The following ALK variants were observed in gnomAD, a reference collection of about 807,000 sequenced individuals.
ALK encodes the protein ALK receptor tyrosine kinase.
A neutral mutation model predicts 163.1 loss-of-function variants in ALK; 74 were observed. That is an observed-to-expected ratio of 0.45 (90% CI 0.38 to 0.55). The LOEUF (loss-of-function observed/expected upper bound fraction) is 0.55. Ranked by LOEUF, ALK falls within the 20% of genes least tolerant of loss-of-function variation. The pLI is 0.00. For missense variants in ALK, 2,063 were observed against 2,105.3 expected (o/e 0.98, Z 0.39); for synonymous variants, 960 against 843.2 (o/e 1.14, Z -2.40).
At chr2:29,388,024 G>C (rs1451360697) in intron 4 of ALK, among the ~76,000 whole-genome samples, 1 of 152,176 alleles carries the variant, frequency 6.6e-6, no homozygotes, top group Non-Finnish European at 1.5e-5. Context: ...TATCAGGATA[G>C]ACACACTGGC....
intron 5 of ALK, among the ~76,000 whole-genome samples, chr2:29,336,291 T>C (rs921666269): frequency 2.2e-4 from 33 of 152,198 alleles, no homozygotes; most frequent in African/African-American, 7.5e-4. Flanking sequence ...GTTGATTGGA[T>C]AGAGTTAGTG....
At chr2:29,631,426 G>A (rs1392624439) in intron 3 of ALK, among the ~76,000 whole-genome samples, 1 of 152,196 alleles carries the variant, frequency 6.6e-6, no homozygotes, top group Non-Finnish European at 1.5e-5. Context: ...AATATTTGTG[G>A]AACAGTGAGC....
intron 3 of ALK, among the ~76,000 whole-genome samples, chr2:29,663,476 A>T (rs896297277): frequency 2.6e-5 from 4 of 152,014 alleles, no homozygotes; most frequent in Admixed American, 2.0e-4. Flanking sequence ...TCTTTCACCA[A>T]CTTTTACCCA....
At chr2:29,388,128 C>T (rs1669076080) in intron 4 of ALK, among the ~76,000 whole-genome samples, 1 of 152,176 alleles carries the variant, frequency 6.6e-6, no homozygotes. Flanking sequence ...TCCCACAGCT[C>T]CCTACCAGCT....
At chr2:29,893,582 T>C (rs2148426329) in intron 1 of ALK, among the ~76,000 whole-genome samples, 1 of 152,272 alleles carries the variant, frequency 6.6e-6, no homozygotes, top group African/African-American at 2.4e-5. Context: ...TGTTCCAGGA[T>C]TCTTTCTCAG....
At chr2:29,576,858 C>A (rs1379846681) in intron 3 of ALK, among the ~76,000 whole-genome samples, 1 of 151,742 alleles carries the variant, frequency 6.6e-6, no homozygotes, top group South Asian at 2.1e-4. Context: ...TCACTGTCTC[C>A]CACCACCCCC....
At chr2:29,524,356 G>A (rs1672898219) in intron 4 of ALK, among the ~76,000 whole-genome samples, 1 of 152,220 alleles carries the variant, frequency 6.6e-6, no homozygotes, top group Non-Finnish European at 1.5e-5. Context: ...GACTGGATAA[G>A]AACAGCTCTT....
At chr2:29,639,852 C>A (rs1049195715) in intron 3 of ALK, among the ~76,000 whole-genome samples, 4 of 152,164 alleles carry the variant, frequency 2.6e-5, no homozygotes, top group African/African-American at 9.7e-5. Flanking sequence ...GCATCTTCGA[C>A]AACATCCTAT....
chr2:29,300,683 G>A (rs374655102), intron 8 of ALK, among the ~76,000 whole-genome samples: 7 of 152,194 alleles, frequency 4.6e-5, no homozygotes, highest in African/African-American at 1.7e-4. Flanking sequence ...GAAACAGTAA[G>A]CCTTGGACAT....
chr2:29,348,632 G>A (rs1668022671), intron 5 of ALK, among the ~76,000 whole-genome samples: 1 of 152,200 alleles, frequency 6.6e-6, no homozygotes, highest in Non-Finnish European at 1.5e-5. Flanking sequence ...CAGCTCGTAT[G>A]GTAAGCATCA....
chr2:29,780,629 C>T lies in ALK; in HGVS notation c.668-62932G>A, dbSNP rs1308241201. On this transcript the variant is annotated intron_variant, in intron 1 of 28. Transcript: ENST00000389048. Reference sequence around the variant, plus strand: ...GAATCCAGGTTGGGAGAGCTAAGCCCTGAACACCTTAGGGATATCTGAGCA... The same window carrying T: ...GAATCCAGGTTGGGAGAGCTAAGCCTTGAACACCTTAGGGATATCTGAGCA... Among the ~76,000 whole-genome samples, 5 of 152,312 alleles carry T rather than the reference C, an allele frequency of 3.3e-5. No homozygotes were observed. In the East Asian group the frequency reaches 9.7e-4, roughly 29 times the overall value.
At position 29,831,102 on chromosome 2, in the gene ALK, GAGGAGGAGA is replaced by G. The variant is rs1300693952; in HGVS notation, c.667+88882_667+88890del. Among the ~76,000 whole-genome samples, 79 of 29,296 alleles carry G rather than the reference GAGGAGGAGA, an allele frequency of 2.7e-3. 5 individuals carry two copies. Among genetic ancestry groups the G allele is most frequent in the African/African-American group, 7.0e-3 (50 of 7,178 alleles). 19.2% of individuals were successfully genotyped at this position (29,296 alleles called of 152,430 possible). A position where few individuals can be genotyped will look rare whatever the true frequency, so the allele number is the denominator to read the frequency against. On this transcript the variant is annotated intron_variant, in intron 1 of 28. Transcript: ENST00000389048. ...GGAGGAGGAGGAGGAGGAGGAGGAG[GAGGAGGAGA>G]AGAAGAAGAAGAAGGGGAAGAAGGG...
chr2:29,625,692 C>T (rs1239908129), intron 3 of ALK, among the ~76,000 whole-genome samples: 1 of 152,248 alleles, frequency 6.6e-6, no homozygotes, highest in African/African-American at 2.4e-5. Context: ...AGGTGTTTGG[C>T]TGCAAATACG....
At chr2:29,216,651 A>G (rs1486337501) in intron 23 of ALK, among the ~76,000 whole-genome samples, 1 of 142,764 alleles carries the variant, frequency 7.0e-6, no homozygotes, top group Non-Finnish European at 1.5e-5. Context: ...ATATGTGCGT[A>G]TGGTGTGTGT....
At chr2:29,467,717 T>C (rs1222065522) in intron 4 of ALK, among the ~76,000 whole-genome samples, 1 of 152,160 alleles carries the variant, frequency 6.6e-6, no homozygotes, top group Admixed American at 6.5e-5. Flanking sequence ...TAAAATATCA[T>C]TTTTCTTTTC....
chr2:29,600,837 C>T (rs944317759), intron 3 of ALK, among the ~76,000 whole-genome samples: 5 of 152,054 alleles, frequency 3.3e-5, no homozygotes, highest in Non-Finnish European at 7.4e-5. Context: ...GGAACCCAGG[C>T]CGTATTTCTG....
chr2:29,814,976 A>AAATGAATGAATG (rs34886147), intron 1 of ALK, among the ~76,000 whole-genome samples: 1 of 142,122 alleles, frequency 7.0e-6, no homozygotes, highest in African/African-American at 2.7e-5. Context: ...ATTTAATCTG[A>AAATGAATGAATG]AATGAATGAA....
intron 1 of ALK, among the ~76,000 whole-genome samples, chr2:29,840,733 G>T (rs1339364724): frequency 6.6e-6 from 1 of 152,124 alleles, no homozygotes; most frequent in Non-Finnish European, 1.5e-5. Flanking sequence ...TTAAGTTATT[G>T]CATCTATTAA....
In ALK at chr2:29,695,006, A is replaced by G; in HGVS notation, c.796T>C (p.Cys266Arg). Residue 266 changes from cysteine to arginine, a missense_variant, in exon 3 of 29, where the codon TGC (cysteine) becomes CGC (arginine). Physicochemically the swap from Cys to Arg is radical, Grantham distance 180. Transcript: ENST00000389048. ...LSHRSRYGLECSFDFPCELEY... is the reference protein window; with the variant it reads ...LSHRSRYGLERSFDFPCELEY... ...AGCTCACAGGGGAAGTCAAAGCTGC[A>G]CTCCAGACCTGCAATAATAGCCAAG... 1 of 1,613,906 alleles carries G rather than the reference A, an allele frequency of 6.2e-7. No individual in the cohort carries two copies. The highest frequency in any genetic ancestry group is 1.1e-5 in the South Asian group (1 of 91,074).
Sources: allele counts gnomAD v4.1 joint callset (sites outside exome capture counted in the v4.1 genomes callset), GRCh38; gene constraint gnomAD v4.1.1; transcripts MANE v1.5; gene names NCBI Gene and HGNC (gene_info 2026-07-23, HGNC 2026-07-21).